Variants in PCGF3 observed in about 807,000 individuals in gnomAD.
The protein encoded by PCGF3 is polycomb group ring finger 3, also known as polycomb group RING finger protein 3.
In PCGF3, 7 loss-of-function variants were observed where a neutral mutation model predicts 33.1. The ratio of observed to expected loss-of-function variants is 0.21; its 90% CI spans 0.12 to 0.40. The LOEUF (loss-of-function observed/expected upper bound fraction) is 0.40, where lower values mean the gene tolerates loss of function less well. PCGF3 is among the 10% of genes least tolerant of loss of function. The pLI is 1.00. For synonymous variants in PCGF3, 153 were observed against 121.3 expected (o/e 1.26, Z -1.72); for missense variants, 211 against 313.3 (o/e 0.67, Z 2.46).
chr4:764,775 C>T (rs1745269185), intron 9 of PCGF3: 1 of 537,852 alleles, frequency 1.9e-6, no homozygotes, highest in South Asian at 2.2e-5. Flanking sequence ...CACTGGATTT[C>T]CGTTCAGCTG....
At chr4:724,785 G>T (rs534401526) in intron 1 of PCGF3, among the ~76,000 whole-genome samples, 1 of 151,748 alleles carries the variant, frequency 6.6e-6, no homozygotes, top group African/African-American at 2.4e-5. Flanking sequence ...GCGACAGAGC[G>T]AGATTCCGTC....
At chr4:735,132 T>G in intron 5 of PCGF3, 105 bp downstream of exon 5, 3 of 1,297,736 alleles carry the variant, frequency 2.3e-6, no homozygotes, top group Non-Finnish European at 3.2e-6. Flanking sequence ...CATCCTGCCT[T>G]GGCAGCAGCC....
chr4:711,854 G>C (rs966824280), intron 1 of PCGF3, among the ~76,000 whole-genome samples: 1 of 151,768 alleles, frequency 6.6e-6, no homozygotes, highest in African/African-American at 2.4e-5. Flanking sequence ...CCAGCTACTT[G>C]GGAGGCTGAG....
At chr4:749,782 C>T (rs1033569121) in intron 8 of PCGF3, among the ~76,000 whole-genome samples, 2 of 152,096 alleles carry the variant, frequency 1.3e-5, no homozygotes, top group African/African-American at 4.8e-5. Flanking sequence ...GCTGAATTTT[C>T]TTAAAACTTT....
chr4:740,997 G>A (rs1047381107), intron 6 of PCGF3, among the ~76,000 whole-genome samples: 118 of 152,338 alleles, frequency 7.7e-4, no homozygotes, highest in African/African-American at 2.8e-3. Context: ...GCTGCACTTC[G>A]AAGCCGCAGT....
At chr4:724,059 A>T (rs1743227110) in intron 1 of PCGF3, 1 of 152,266 alleles carries the variant, frequency 6.6e-6, no homozygotes, top group African/African-American at 2.4e-5. Context: ...TGCTGTTAAC[A>T]GTCAAGGAAT....
At chr4:761,471 G>T (rs953444687) in intron 9 of PCGF3, 55 bp downstream of exon 9, 16 of 1,487,250 alleles carry the variant, frequency 1.1e-5, no homozygotes, top group Admixed American at 9.1e-5. Context: ...ATTTCTAAAG[G>T]TAACTCCAAG....
At chr4:716,115 G>T (rs796117219) in intron 1 of PCGF3, among the ~76,000 whole-genome samples, 7,121 of 74,942 alleles carry the variant, frequency 0.095, 414 homozygotes, top group Middle Eastern at 0.14. Flanking sequence ...AGACACTGAG[G>T]GTGAGAACTG....
intron 5 of PCGF3, 37 bp from the exon 6 acceptor site, chr4:737,429 A>G: frequency 7.1e-7 from 1 of 1,400,444 alleles, no homozygotes; most frequent in Non-Finnish European, 1.0e-6. Flanking sequence ...TAGAATTAAC[A>G]TTTCCAGCTA....
At chr4:734,702 C>T in intron 4 of PCGF3, 3 of 1,344,550 alleles carry the variant, frequency 2.2e-6, no homozygotes, top group Non-Finnish European at 2.9e-6. Context: ...TAATTCCTAA[C>T]CCTGCCTCTT....
At chr4:732,690 T>G (rs1743651433) in intron 3 of PCGF3, among the ~76,000 whole-genome samples, 2 of 152,118 alleles carry the variant, frequency 1.3e-5, no homozygotes, top group Admixed American at 1.3e-4. Flanking sequence ...GTGGCGGTGA[T>G]GACGGAAGTG....
rs944853723 is a variant in PCGF3, at chr4:734,708, C to T, written c.110-223C>T. On this transcript the variant is annotated intron_variant, in intron 4 of 10. Coordinates refer to ENST00000362003, the Ensembl canonical transcript of PCGF3. ...TTTCCCACTTAATTCCTAACCCTGC[C>T]TCTTTGAGGAAGCCCATTGACGGGG... 54 of 1,346,458 alleles carry T rather than the reference C, an allele frequency of 4.0e-5. No homozygotes were observed. The African/African-American group carries it at 5.8e-4, about 14-fold the overall frequency. The allele number at this position is 1,346,458 out of a possible 1,614,324, so 83.4% of individuals were successfully genotyped here. A position where few individuals can be genotyped will look rare whatever the true frequency, so the allele number is the denominator to read the frequency against.
chr4:719,502 C>T (rs1420556239), intron 1 of PCGF3, among the ~76,000 whole-genome samples: 2 of 152,192 alleles, frequency 1.3e-5, no homozygotes, highest in Non-Finnish European at 1.5e-5. Flanking sequence ...TGCTGTGAGC[C>T]GCCCCCCCAG....
exon 11 of PCGF3, chr4:768,121 T>TA (rs1415767478): frequency 6.5e-6 from 1 of 152,676 alleles, no homozygotes; most frequent in African/African-American, 2.4e-5. Flanking sequence ...GCTAAGCTGA[T>TA]AGATTTAAAT....
chr4:766,274 TCA>T (rs543449488), exon 11 of PCGF3: 41 of 568,588 alleles, frequency 7.2e-5, no homozygotes, highest in South Asian at 4.4e-4. Flanking sequence ...TGAAAACACT[TCA>T]CAGTCTCCCA....
intron 7 of PCGF3, 39 bp downstream of exon 7, chr4:743,623 C>T (rs780369064): frequency 8.3e-7 from 1 of 1,206,594 alleles, no homozygotes; most frequent in South Asian, 1.2e-5. Context: ...CCCCGGGAAT[C>T]CCCTGCATGA....
At chr4:722,986 CCCGTCCGTGCCGGGT>C in intron 1 of PCGF3, among the ~76,000 whole-genome samples, 1 of 139,054 alleles carries the variant, frequency 7.2e-6, no homozygotes, top group Admixed American at 7.1e-5. Flanking sequence ...TCAGTCATCG[CCCGTCCGTGCCGGGT>C]CCACATTCGC....
chr4:710,104 A>C (rs1482525535), intron 1 of PCGF3, among the ~76,000 whole-genome samples: 1 of 152,162 alleles, frequency 6.6e-6, no homozygotes, highest in Non-Finnish European at 1.5e-5. Flanking sequence ...GCTGTGTGGC[A>C]GATTACCCCA....
At chr4:764,129 C>T (rs1745225069) in intron 9 of PCGF3, among the ~76,000 whole-genome samples, 3 of 152,090 alleles carry the variant, frequency 2.0e-5, no homozygotes, top group Non-Finnish European at 4.4e-5. Context: ...GGCGACCTGA[C>T]ATCCGCTCTG....
Sources: gnomAD v4.1 joint callset for allele counts (sites outside exome capture counted in the v4.1 genomes callset) on GRCh38, gnomAD v4.1.1 for gene constraint, MANE v1.5 for transcripts, NCBI Gene and HGNC (gene_info 2026-07-23, HGNC 2026-07-21) for gene names.